Variants in PRUNE2 observed in about 807,000 individuals in gnomAD.
PRUNE2 encodes the protein prune homolog 2 with BCH domain, also known as protein prune homolog 2.
In PRUNE2, 164 loss-of-function variants were observed where a neutral mutation model predicts 252.0. The ratio of observed to expected loss-of-function variants is 0.65; its 90% CI spans 0.57 to 0.74. PRUNE2 has a LOEUF of 0.74. Ranked by LOEUF, PRUNE2 falls within the 30% of genes least tolerant of loss-of-function variation. The pLI, the probability that PRUNE2 is intolerant of heterozygous loss-of-function variation, is 0.00. For synonymous variants in PRUNE2, 1,292 were observed against 1,350.2 expected (o/e 0.96, Z 0.94); for missense variants, 3,495 against 3,711.0 (o/e 0.94, Z 1.51).
chr9:76,903,826 G>A lies in PRUNE2; in HGVS notation c.36+2102C>T, dbSNP rs185837091. Among the ~76,000 whole-genome samples, 1,506 of 152,236 alleles carry A rather than the reference G, an allele frequency of 9.9e-3. 11 individuals are homozygous for A. Among genetic ancestry groups the A allele is most frequent in the Middle Eastern group, 0.02 (6 of 294 alleles). On this transcript the variant is annotated intron_variant, in intron 1 of 18. Coordinates refer to ENST00000376718, the MANE Select transcript of PRUNE2 (RefSeq NM_015225.3). Reference sequence around the variant, plus strand: ...TGGTTTCGAACTCCTGACCTCAGGTGATCCACCCGCCTCAGCCTCCCAAAG... The same window carrying A: ...TGGTTTCGAACTCCTGACCTCAGGTAATCCACCCGCCTCAGCCTCCCAAAG...
At chr9:76,730,256 G>GGTAGA (rs2048448550) in intron 6 of PRUNE2, among the ~76,000 whole-genome samples, 1 of 152,188 alleles carries the variant, frequency 6.6e-6, no homozygotes, top group Non-Finnish European at 1.5e-5. Flanking sequence ...GGGTAGAGTG[G>GGTAGA]ACAATGTCAT....
intron 9 of PRUNE2, among the ~76,000 whole-genome samples, chr9:76,678,781 T>C (rs1458953448): frequency 6.6e-6 from 1 of 152,234 alleles, no homozygotes; most frequent in East Asian, 1.9e-4. Context: ...TGAGCCGAGA[T>C]GGTGCCACTG....
At chr9:76,676,558 G>C (rs1177978925) in intron 9 of PRUNE2, among the ~76,000 whole-genome samples, 1 of 152,074 alleles carries the variant, frequency 6.6e-6, no homozygotes, top group Non-Finnish European at 1.5e-5. Flanking sequence ...AGTAGGTACA[G>C]GGGCGAAAGG....
At chr9:76,723,969 G>A (rs932975727) in intron 6 of PRUNE2, among the ~76,000 whole-genome samples, 8 of 151,060 alleles carry the variant, frequency 5.3e-5, no homozygotes, top group Non-Finnish European at 1.2e-4. Flanking sequence ...TACCACGCTC[G>A]GCTAACTTTT....
intron 6 of PRUNE2, among the ~76,000 whole-genome samples, chr9:76,729,059 G>A (rs990032396): frequency 1.3e-5 from 2 of 152,016 alleles, no homozygotes; most frequent in Non-Finnish European, 2.9e-5. Context: ...AGTCCTTTTT[G>A]CCCTAAGATT....
Position 76,703,348 on chromosome 9 carries a change from T to C in PRUNE2, c.8265A>G (p.Ser2755=), listed in dbSNP as rs2046049321. The C allele has an allele frequency of 7.6e-6, 12 of 1,588,670 alleles. No individual in the cohort carries two copies. Among genetic ancestry groups the C allele is most frequent in the South Asian group, 1.1e-5 (1 of 88,406 alleles). Reference sequence around the variant, plus strand: ...AGCTTTTTGCTTACCCATTTGGTCTTGATATCCTGGTTCCGAGCTCAAGGA... The same window carrying C: ...AGCTTTTTGCTTACCCATTTGGTCTCGATATCCTGGTTCCGAGCTCAAGGA... The part of the protein sequence containing the change: ...TEFLELGTRI[S]RPNGLLSEDV... The change falls in exon 9 of 19, where the codon TCA becomes TCG. Residue 2755 remains serine, a synonymous_variant. Coordinates refer to ENST00000376718, the MANE Select transcript of PRUNE2 (RefSeq NM_015225.3).
In PRUNE2 at chr9:76,710,449, G is replaced by T. The variant is rs778922047; in HGVS notation, c.1825C>A (p.Pro609Thr). The T allele has an allele frequency of 1.2e-6, 2 of 1,613,902 alleles. No individual in the cohort carries two copies. Among genetic ancestry groups the T allele is most frequent in the South Asian group, 2.2e-5 (2 of 91,082 alleles). Residue 609 changes from proline to threonine, a missense_variant, in exon 8 of 19, where the codon CCA becomes ACA. Coordinates refer to ENST00000376718, the MANE Select transcript of PRUNE2 (RefSeq NM_015225.3). ...ACTAAACTATTCATGGGTGTTGGTG[G>T]GATCCTCTTTCCAGTATTTTTTAGC... ...ERLKNTGKRI[P>T]PTPMNSLVES...
At chr9:76,787,970 G>A (rs1025681641) in intron 6 of PRUNE2, among the ~76,000 whole-genome samples, 6 of 152,118 alleles carry the variant, frequency 3.9e-5, no homozygotes, top group South Asian at 2.1e-4. Context: ...ACATGGCCTC[G>A]GAACATTCCC....
At chr9:76,730,275 G>A (rs2048449466) in intron 6 of PRUNE2, among the ~76,000 whole-genome samples, 1 of 152,166 alleles carries the variant, frequency 6.6e-6, no homozygotes, top group Non-Finnish European at 1.5e-5. Context: ...ATTTAGTTCA[G>A]TACATTAGTT....
In PRUNE2 at chr9:76,709,432, C is replaced by G; in HGVS notation, c.2842G>C (p.Asp948His). 6.2e-7 allele frequency: 1 copy of G among 1,613,988 alleles called. No individual in the cohort carries two copies. Among genetic ancestry groups the G allele is most frequent in the South Asian group, 1.1e-5 (1 of 91,068 alleles). ...EDSFLSYKCS[D>H]YSASNLGEDS... The stretch of plus-strand genomic sequence containing the variant: ...TCTCCTAGGTTGGATGCACTGTAAT[C>G]AGAACATTTGTAAGATAAGAAGGAA... The change falls in exon 8 of 19, where the codon GAT (aspartate) becomes CAT (histidine). Residue 948 changes from aspartate to histidine, a missense_variant. Transcript: ENST00000376718.
intron 9 of PRUNE2, among the ~76,000 whole-genome samples, chr9:76,699,904 C>T (rs1588673141): frequency 6.6e-6 from 1 of 152,210 alleles, no homozygotes; most frequent in African/African-American, 2.4e-5. Context: ...TGCAAATGTT[C>T]TTTGTGACTA....
chr9:76,782,581 GTTCCATGTAAATAC>G, intron 6 of PRUNE2: 2 of 152,218 alleles, frequency 1.3e-5, no homozygotes. Context: ...CATATGTTAA[GTTCCATGTAAATAC>G]TTTGCTAATA....
chr9:76,697,051 G>A (rs555758544), intron 9 of PRUNE2, among the ~76,000 whole-genome samples: 1 of 152,250 alleles, frequency 6.6e-6, no homozygotes, highest in Admixed American at 6.5e-5. Flanking sequence ...CTTTCTTGCT[G>A]TGCCCCTGAT....
chr9:76,641,236 G>A (rs1287788831), intron 12 of PRUNE2, among the ~76,000 whole-genome samples: 1 of 152,188 alleles, frequency 6.6e-6, no homozygotes, highest in Non-Finnish European at 1.5e-5. Context: ...ATGAAAATGT[G>A]TTATTTTGGG....
intron 16 of PRUNE2, 51 bp from the exon 17 acceptor site, chr9:76,624,541 C>T: frequency 7.6e-7 from 1 of 1,307,740 alleles, no homozygotes; most frequent in Non-Finnish European, 1.0e-6. Context: ...GAGAAGCAAG[C>T]ACAGCATGAG....
chr9:76,643,360 C>T (rs1179699764), intron 12 of PRUNE2, among the ~76,000 whole-genome samples: 1 of 152,200 alleles, frequency 6.6e-6, no homozygotes, highest in Non-Finnish European at 1.5e-5. Flanking sequence ...ACAGACTACT[C>T]TTACAGGCAG....
At chr9:76,883,592 G>A (rs922734130) in intron 1 of PRUNE2, among the ~76,000 whole-genome samples, 1 of 152,144 alleles carries the variant, frequency 6.6e-6, no homozygotes, top group Non-Finnish European at 1.5e-5. Context: ...TCAAACAATG[G>A]TACCACATTT....
At chr9:76,879,011 C>T (rs1446787515) in intron 1 of PRUNE2, among the ~76,000 whole-genome samples, 1 of 152,140 alleles carries the variant, frequency 6.6e-6, no homozygotes, top group African/African-American at 2.4e-5. Flanking sequence ...TTACCCCAGT[C>T]GACCCTCACA....
At chr9:76,760,259 A>G (rs2130706124) in intron 6 of PRUNE2, among the ~76,000 whole-genome samples, 1 of 152,266 alleles carries the variant, frequency 6.6e-6, no homozygotes, top group Non-Finnish European at 1.5e-5. Context: ...GATGGATATC[A>G]AAACCATACT....
Sources: gnomAD v4.1 joint callset for allele counts (sites outside exome capture counted in the v4.1 genomes callset) on GRCh38, gnomAD v4.1.1 for gene constraint, MANE v1.5 for transcripts, NCBI Gene and HGNC (gene_info 2026-07-23, HGNC 2026-07-21) for gene names.